PANX1: variants seen among roughly 807,000 people sequenced by gnomAD.
The protein encoded by PANX1 is pannexin 1.
PANX1 carries 30 observed loss-of-function variants against 38.7 expected under a neutral mutation model. That is an observed-to-expected ratio of 0.78 (90% CI 0.58 to 1.05). The LOEUF is 1.05. Ranked by LOEUF, PANX1 falls within the 50% of genes least tolerant of loss-of-function variation. The pLI, the probability that PANX1 is intolerant of heterozygous loss-of-function variation, is 0.00. For synonymous variants in PANX1, 230 were observed against 212.2 expected (o/e 1.08, Z -0.73); for missense variants, 551 against 517.2 (o/e 1.07, Z -0.63).
At chr11:94,174,088 C>T (rs751879031) in intron 2 of PANX1, among the ~76,000 whole-genome samples, 1 of 151,488 alleles carries the variant, frequency 6.6e-6, no homozygotes, top group Non-Finnish European at 1.5e-5. Flanking sequence ...TCCTGTGTGT[C>T]TCTGTGTCTT....
At chr11:94,129,772 C>A (rs1385771374) in intron 1 of PANX1, among the ~76,000 whole-genome samples, 1 of 152,206 alleles carries the variant, frequency 6.6e-6, no homozygotes, top group African/African-American at 2.4e-5. Flanking sequence ...ACCCTTAGAA[C>A]TGGCACCTTG....
intron 1 of PANX1, among the ~76,000 whole-genome samples, chr11:94,148,068 A>G (rs1284200140): frequency 1.3e-5 from 2 of 152,214 alleles, no homozygotes; most frequent in African/African-American, 4.8e-5. Flanking sequence ...AGGAAAAAAA[A>G]AAGAAGTATT....
intron 2 of PANX1, among the ~76,000 whole-genome samples, chr11:94,174,842 A>G (rs1251544056): frequency 6.6e-6 from 1 of 151,754 alleles, no homozygotes; most frequent in Non-Finnish European, 1.5e-5. Context: ...GGGAAGTTGT[A>G]CTGCTCACCC....
chr11:94,170,238 G>A (rs963217921), intron 2 of PANX1, among the ~76,000 whole-genome samples: 1 of 151,348 alleles, frequency 6.6e-6, no homozygotes, highest in Non-Finnish European at 1.5e-5. Context: ...CCAGCCCCTG[G>A]CAACCTCCAT....
At chr11:94,139,304 T>C (rs1946734236) in intron 1 of PANX1, among the ~76,000 whole-genome samples, 1 of 152,212 alleles carries the variant, frequency 6.6e-6, no homozygotes, top group Non-Finnish European at 1.5e-5. Flanking sequence ...GTGACTTGCT[T>C]GGCACCAATT....
At chr11:94,159,920 A>G (rs902910321) in intron 2 of PANX1, among the ~76,000 whole-genome samples, 2 of 151,424 alleles carry the variant, frequency 1.3e-5, no homozygotes, top group African/African-American at 4.9e-5. Context: ...AGATTCTGGT[A>G]TGTTGTGTCT....
At position 94,180,243 on chromosome 11, in the gene PANX1, C is replaced by G; in HGVS notation, c.1187C>G (p.Thr396Arg). The stretch of plus-strand genomic sequence containing the variant: ...ATGAGAGAGGAGCAGGGGAACCAGA[C>G]GGCAGAGCTCCAAGGTAGGGTTTGC... ...AEMREEQGNQ[T>R]AELQGMNIDS... Residue 396 changes from threonine to arginine, a missense_variant, in exon 4 of 5, where the codon ACG becomes AGG. Transcript: ENST00000227638. 1 of 1,602,850 alleles carries G rather than the reference C, an allele frequency of 6.2e-7. No homozygotes were observed. Among genetic ancestry groups the G allele is most frequent in the East Asian group, 2.2e-5 (1 of 44,562 alleles).
intron 2 of PANX1, among the ~76,000 whole-genome samples, chr11:94,158,263 A>G (rs949541971): frequency 1.4e-4 from 22 of 152,082 alleles, no homozygotes; most frequent in African/African-American, 5.3e-4. Flanking sequence ...ACTTTAAAGT[A>G]GTTTTTTCCA....
At chr11:94,164,727 T>C (rs1947083723) in intron 2 of PANX1, among the ~76,000 whole-genome samples, 3 of 152,338 alleles carry the variant, frequency 2.0e-5, no homozygotes, top group South Asian at 4.1e-4. Context: ...GAGCCTGATA[T>C]TTCTTTATTT....
chr11:94,161,160 TTTTCC>T (rs1947026537), intron 2 of PANX1, among the ~76,000 whole-genome samples: 1 of 152,234 alleles, frequency 6.6e-6, no homozygotes, highest in Non-Finnish European at 1.5e-5. Flanking sequence ...CCTTAACATT[TTTTCC>T]TTCATTTCAA....
At chr11:94,166,597 T>C (rs1947103258) in intron 2 of PANX1, among the ~76,000 whole-genome samples, 1 of 152,204 alleles carries the variant, frequency 6.6e-6, no homozygotes, top group Non-Finnish European at 1.5e-5. Context: ...TTCTTTGTCC[T>C]TCACCTTTGA....
chr11:94,128,951 A>T lies in PANX1; in HGVS notation c.-362A>T. On this transcript the variant is annotated 5_prime_UTR_variant, in exon 1 of 5. An upstream open reading frame in the 5' UTR gains an earlier in-frame stop. Coordinates refer to ENST00000227638, the MANE Select transcript of PANX1 (RefSeq NM_015368.4). ...CAGGGCGGCGCGGAGGGGCAGGGCCAGAGGGAAGCGCTTTGTTCCGCGCGT... is the reference window on the plus strand; with the variant it reads ...CAGGGCGGCGCGGAGGGGCAGGGCCTGAGGGAAGCGCTTTGTTCCGCGCGT... The T allele has an allele frequency of 6.1e-6, 1 of 164,122 alleles. No homozygotes were observed. The allele number at this position is 164,122 out of a possible 1,614,324, so 10.2% of individuals were successfully genotyped here. A position where few individuals can be genotyped will look rare whatever the true frequency, so the allele number is the denominator to read the frequency against.
intron 2 of PANX1, among the ~76,000 whole-genome samples, chr11:94,160,539 G>T (rs1042736658): frequency 6.6e-6 from 1 of 152,092 alleles, no homozygotes; most frequent in Non-Finnish European, 1.5e-5. Flanking sequence ...CAGAGACTAG[G>T]ATTGCAACCC....
chr11:94,162,558 C>T (rs1299503880), intron 2 of PANX1, among the ~76,000 whole-genome samples: 2 of 152,202 alleles, frequency 1.3e-5, no homozygotes, highest in Non-Finnish European at 2.9e-5. Flanking sequence ...TTTGCTAATA[C>T]CGTTGGATAA....
At chr11:94,150,112 A>G (rs1946868232) in intron 1 of PANX1, among the ~76,000 whole-genome samples, 1 of 152,178 alleles carries the variant, frequency 6.6e-6, no homozygotes, top group Non-Finnish European at 1.5e-5. Context: ...AAGATGAGCC[A>G]TTGAGGAAGA....
At chr11:94,142,622 G>GT (rs1284249651) in intron 1 of PANX1, among the ~76,000 whole-genome samples, 2 of 152,170 alleles carry the variant, frequency 1.3e-5, no homozygotes, top group Non-Finnish European at 2.9e-5. Context: ...TATGTGATTT[G>GT]TTTTCATCTA....
chr11:94,181,010 A>C lies in PANX1; in HGVS notation c.*141A>C. 9.7e-6 allele frequency: 6 copies of C among 619,544 alleles called. No homozygotes were observed. In the Middle Eastern group the frequency reaches 7.7e-4, roughly 79 times the overall value. The allele number at this position is 619,544 out of a possible 1,614,324, so 38.4% of individuals were successfully genotyped here. ...ACTGAGCATGTCTTATTGAGTCCCT[A>C]ATGGAAATGGTGATCAACAAAAGGT... is the stretch of plus-strand genomic sequence containing the variant. On this transcript the variant is annotated 3_prime_UTR_variant, in exon 5 of 5. Transcript: ENST00000227638.
At chr11:94,167,756 G>A (rs1445540580) in intron 2 of PANX1, among the ~76,000 whole-genome samples, 1 of 152,220 alleles carries the variant, frequency 6.6e-6, no homozygotes, top group Non-Finnish European at 1.5e-5. Flanking sequence ...CGTTGATTGA[G>A]GGCCTACCAT....
Position 94,129,471 on chromosome 11 carries a change from C to A in PANX1, c.159C>A (p.Ala53=). 1 of 1,612,716 alleles carries A rather than the reference C, an allele frequency of 6.2e-7. No individual in the cohort carries two copies. The highest frequency in any genetic ancestry group is 8.5e-7 in the Non-Finnish European group (1 of 1,179,144). ...TGCCCCTGCTGCTCATCTCGCTGGC[C>A]TTCGCGCAGGAGATCTCGATTGGTA... ...VGLPLLLISL[A]FAQEISIGTQ... is the part of the protein sequence containing the mutation. Residue 53 remains alanine, a synonymous_variant, in exon 1 of 5, where the codon GCC becomes GCA. Transcript: ENST00000227638.
Sources: gnomAD v4.1 joint callset for allele counts (sites outside exome capture counted in the v4.1 genomes callset) on GRCh38, gnomAD v4.1.1 for gene constraint, MANE v1.5 for transcripts, NCBI Gene and HGNC (gene_info 2026-07-23, HGNC 2026-07-21) for gene names.